The following DOCK1 variants were observed in gnomAD, a reference collection of about 807,000 sequenced individuals.
DOCK1 encodes the protein dedicator of cytokinesis protein 1.
DOCK1 carries 138 observed loss-of-function variants against 262.7 expected under a neutral mutation model. The observed-to-expected ratio is 0.53, with a 90% CI of 0.46 to 0.61. The LOEUF (loss-of-function observed/expected upper bound fraction) is 0.61, where lower values mean the gene tolerates loss of function less well. Among genes scored for constraint, DOCK1 ranks in the 20% least tolerant of loss-of-function variants. The probability of loss-of-function intolerance (pLI) is 0.00; values close to 1 mark genes in which losing one functional copy is unlikely to be tolerated. For synonymous variants in DOCK1, 866 were observed against 867.4 expected, an observed-to-expected ratio of 1.00 and a Z score of 0.03; for missense variants, 1,908 against 2,370.7, an observed-to-expected ratio of 0.80 and a Z score of 4.05.
chr10:127,243,974 A>G (rs1325656497), intron 27 of DOCK1, among the ~76,000 whole-genome samples: 2 of 152,116 alleles, frequency 1.3e-5, no homozygotes, highest in Non-Finnish European at 2.9e-5. Context: ...TCAAATGTGT[A>G]TACATAATTA....
intron 29 of DOCK1, among the ~76,000 whole-genome samples, chr10:127,310,202 G>A (rs1348626031): frequency 6.6e-6 from 1 of 152,070 alleles, no homozygotes; most frequent in Admixed American, 6.5e-5. Flanking sequence ...ATAGATCCTG[G>A]TGAGAATCGG....
intron 29 of DOCK1, among the ~76,000 whole-genome samples, chr10:127,309,130 T>C (rs1471355991): frequency 2.6e-5 from 4 of 152,238 alleles, no homozygotes; most frequent in Admixed American, 6.5e-5. Flanking sequence ...ATCGCCCTTC[T>C]GACTGGCGTG....
intron 29 of DOCK1, among the ~76,000 whole-genome samples, chr10:127,302,099 T>C (rs992258980): frequency 6.6e-5 from 10 of 151,598 alleles, no homozygotes; most frequent in African/African-American, 2.4e-4. Context: ...GCTTGTAGTA[T>C]AAGCTTTGAA....
intron 1 of DOCK1, among the ~76,000 whole-genome samples, chr10:126,966,551 T>C (rs2037693855): frequency 6.6e-6 from 1 of 152,192 alleles, no homozygotes; most frequent in Non-Finnish European, 1.5e-5. Flanking sequence ...CTGGCATTTG[T>C]TATTTTTTTG....
At chr10:127,079,782 T>C (rs1389475354) in intron 23 of DOCK1, among the ~76,000 whole-genome samples, 1 of 152,050 alleles carries the variant, frequency 6.6e-6, no homozygotes, top group Admixed American at 6.6e-5. Flanking sequence ...AATACAAAAA[T>C]TAGCTGGGCG....
chr10:127,438,966 C>A, intron 48 of DOCK1, 61 bp from the exon 49 acceptor site: 1 of 1,460,330 alleles, frequency 6.8e-7, no homozygotes, highest in Non-Finnish European at 9.2e-7. Context: ...TGACTTTACA[C>A]GTGTCTGTGG....
intron 43 of DOCK1, among the ~76,000 whole-genome samples, chr10:127,411,753 T>C (rs1257639609): frequency 1.3e-5 from 2 of 151,906 alleles, no homozygotes; most frequent in East Asian, 3.9e-4. Context: ...GGCGGGAGAA[T>C]CGCTTGAACC....
At chr10:127,368,172 C>T (rs1003184028) in intron 33 of DOCK1, among the ~76,000 whole-genome samples, 1 of 152,204 alleles carries the variant, frequency 6.6e-6, no homozygotes, top group Admixed American at 6.5e-5. Flanking sequence ...CTTGGCAGAG[C>T]TTCATCACCA....
At chr10:127,277,991 G>A (rs551650872) in intron 29 of DOCK1, among the ~76,000 whole-genome samples, 28 of 152,110 alleles carry the variant, frequency 1.8e-4, no homozygotes, top group African/African-American at 6.5e-4. Flanking sequence ...AGATTTATTT[G>A]GTATAAAGCA....
chr10:127,147,745 G>A (rs1199150697), intron 27 of DOCK1, among the ~76,000 whole-genome samples: 2 of 152,048 alleles, frequency 1.3e-5, no homozygotes, highest in African/African-American at 4.8e-5. Flanking sequence ...AATTCCACCT[G>A]TCCTTGTCTG....
At position 127,176,842 on chromosome 10, in the gene DOCK1, T is replaced by C. The variant is rs2055206372; in HGVS notation, c.2847+49078T>C. 1 of 156,302 alleles carries C rather than the reference T, an allele frequency of 6.4e-6. No homozygotes were observed. The highest frequency in any genetic ancestry group is 6.3e-5 in the Admixed American group (1 of 15,824). The allele number at this position is 156,302 out of a possible 1,614,324, so 9.7% of individuals were successfully genotyped here. ...GAGGATGACGTCATTAATCTATTGC[T>C]GGAATCTGGGAGAGCTGCTGTTTTA... On this transcript the variant is annotated intron_variant, in intron 27 of 51. Coordinates refer to ENST00000623213, the MANE Select transcript of DOCK1 (RefSeq NM_001290223.2). The surrounding 1 kb of genome is among the most constrained non-coding windows in gnomAD (Gnocchi z 4.4).
intron 17 of DOCK1, 104 bp downstream of exon 17, chr10:127,031,857 A>G (rs539846434): frequency 1.1e-5 from 11 of 1,030,860 alleles, no homozygotes; most frequent in African/African-American, 1.6e-5. Flanking sequence ...GGAAGCTGCT[A>G]TCTAGCTACA....
At chr10:126,946,612 T>C (rs1350136658) in intron 1 of DOCK1, among the ~76,000 whole-genome samples, 2 of 152,176 alleles carry the variant, frequency 1.3e-5, no homozygotes, top group Non-Finnish European at 2.9e-5. Flanking sequence ...ATCTATTATA[T>C]TTTCTGTCTC....
intron 1 of DOCK1, among the ~76,000 whole-genome samples, chr10:126,924,393 G>T (rs1441763406): frequency 7.1e-6 from 1 of 140,742 alleles, no homozygotes; most frequent in Non-Finnish European, 1.5e-5. Flanking sequence ...TCAGTAGGGG[G>T]AGGCTGTGAG....
chr10:126,917,402 G>A (rs1016418881), intron 1 of DOCK1, among the ~76,000 whole-genome samples: 26 of 152,098 alleles, frequency 1.7e-4, no homozygotes, highest in African/African-American at 6.0e-4. Flanking sequence ...CATTCATTCT[G>A]GTTCTCTGAT....
rs546003226 is a variant in DOCK1, at chr10:126,987,747, C to T, written c.324+130C>T. On this transcript the variant is annotated intron_variant, in intron 5 of 51. Transcript: ENST00000623213. ...AGAGCTTCCGAGACAGAGTTTTACT[C>T]GGAATTGGCAAAGGAAGCGACATGG... is the stretch of plus-strand genomic sequence containing the variant. The T allele has an allele frequency of 4.4e-4, 393 of 883,370 alleles. 6 individuals carry two copies. In the South Asian group the frequency reaches 5.8e-3, roughly 13 times the overall value. The allele number at this position is 883,370 out of a possible 1,614,324, so 54.7% of individuals were successfully genotyped here. A position where few individuals can be genotyped will look rare whatever the true frequency, so the allele number is the denominator to read the frequency against.
chr10:126,931,651 T>G (rs1406237022), intron 1 of DOCK1, among the ~76,000 whole-genome samples: 1 of 152,158 alleles, frequency 6.6e-6, no homozygotes, highest in Non-Finnish European at 1.5e-5. Context: ...GTTTTCCAGC[T>G]CCACATTCCC....
intron 1 of DOCK1, among the ~76,000 whole-genome samples, chr10:126,957,540 C>T (rs1386917494): frequency 2.0e-5 from 3 of 152,104 alleles, no homozygotes; most frequent in Non-Finnish European, 4.4e-5. Flanking sequence ...GGCTTGACTG[C>T]AGTGGCACGG....
At position 126,981,966 on chromosome 10, in the gene DOCK1, G is replaced by A. The variant is rs2039015054; in HGVS notation, c.220G>A (p.Gly74Arg). Residue 74 changes from glycine (G) to arginine (R), a missense_variant, in exon 4 of 52, where the codon GGA becomes AGA. This residue lies in a region of DOCK1 where 227 missense variants were observed against 254.1 expected (regional missense o/e 0.89). Coordinates refer to ENST00000623213, the MANE Select transcript of DOCK1 (RefSeq NM_001290223.2). ...YIHLKEAIVE[G>R]KGQHETVIPG... ...TCATCTTAAAGAAGCGATAGTTGAA[G>A]GAAAAGGGTGAGTCTGGTCTTGATG... The A allele has an allele frequency of 1.2e-6, 2 of 1,613,490 alleles. No homozygotes were observed. The highest frequency in any genetic ancestry group is 8.5e-7 in the Non-Finnish European group (1 of 1,179,754).
Sources: gnomAD v4.1 joint callset for allele counts (sites outside exome capture counted in the v4.1 genomes callset) on GRCh38, gnomAD v4.1.1 for gene constraint, gnomAD v4.1.1 regional missense constraint, Gnocchi (gnomAD v3.1) non-coding constraint, MANE v1.5 for transcripts, NCBI Gene and HGNC (gene_info 2026-07-23, HGNC 2026-07-21) for gene names.